Variants in FGD4 observed in about 807,000 individuals in gnomAD.
FGD4 encodes FYVE, RhoGEF and PH domain-containing protein 4.
FGD4 carries 42 observed loss-of-function variants against 102.0 expected under a neutral mutation model. The ratio of observed to expected loss-of-function variants is 0.41; its 90% CI spans 0.32 to 0.53. The LOEUF (loss-of-function observed/expected upper bound fraction) is 0.53. FGD4 is among the 20% of genes least tolerant of loss of function. FGD4 has a pLI of 0.21. For synonymous variants in FGD4, 380 were observed against 375.7 expected, an observed-to-expected ratio of 1.01 and a Z score of -0.13; for missense variants, 902 against 1,078.2, an observed-to-expected ratio of 0.84 and a Z score of 2.29.
chr12:32,480,768 G>A (rs1943734878), intron 1 of FGD4, among the ~76,000 whole-genome samples: 1 of 149,188 alleles, frequency 6.7e-6, no homozygotes, highest in Non-Finnish European at 1.5e-5. Flanking sequence ...CAAAGTGCTG[G>A]GATTACAGGC....
Position 32,624,403 on chromosome 12 carries a change from T to C in FGD4, c.1923-19T>C. ...TCATTAATATTATTTACATTCACTT[T>C]AATTTTGTTTTATTTTAGTTCTGCG... is the stretch of plus-strand genomic sequence containing the variant. On this transcript the variant is annotated intron_variant, in intron 11 of 16. Coordinates refer to ENST00000534526, the MANE Select transcript of FGD4 (RefSeq NM_001370298.3). 6.4e-7 allele frequency: 1 copy of C among 1,564,654 alleles called. No individual in the cohort carries two copies. The highest frequency in any genetic ancestry group is 8.8e-7 in the Non-Finnish European group (1 of 1,137,396).
chr12:32,576,198 A>G lies in FGD4; in HGVS notation c.320-68A>G, dbSNP rs568828193. On this transcript the variant is annotated intron_variant, in intron 2 of 16. Transcript: ENST00000534526. ...AATGCTGAATATTTTTGCACCCAGGACACCAGAATTTTTATTGTTATTGAA... is the reference window on the plus strand; with the variant it reads ...AATGCTGAATATTTTTGCACCCAGGGCACCAGAATTTTTATTGTTATTGAA... 56 of 1,488,292 alleles carry G rather than the reference A, an allele frequency of 3.8e-5. No individual in the cohort carries two copies. The East Asian group carries it at 1.4e-3, about 36-fold the overall frequency. The allele number at this position is 1,488,292 out of a possible 1,614,324, so 92.2% of individuals were successfully genotyped here. A position where few individuals can be genotyped will look rare whatever the true frequency, so the allele number is the denominator to read the frequency against.
intron 1 of FGD4, among the ~76,000 whole-genome samples, chr12:32,545,020 G>A (rs1943124503): frequency 6.6e-6 from 1 of 152,298 alleles, no homozygotes; most frequent in African/African-American, 2.4e-5. Flanking sequence ...AGTTCCACAG[G>A]TGATTCTAAT....
chr12:32,615,389 T>C (rs1949386223), intron 10 of FGD4, among the ~76,000 whole-genome samples: 1 of 152,204 alleles, frequency 6.6e-6, no homozygotes, highest in Non-Finnish European at 1.5e-5. Context: ...TTGCACAATT[T>C]ACAACTATCC....
chr12:32,424,833 T>G (rs1941775551), intron 1 of FGD4, among the ~76,000 whole-genome samples: 1 of 152,198 alleles, frequency 6.6e-6, no homozygotes, highest in Admixed American at 6.5e-5. Flanking sequence ...GATGATGAGC[T>G]TTTTTTCATA....
intron 1 of FGD4, among the ~76,000 whole-genome samples, chr12:32,465,622 C>G (rs904530783): frequency 2.0e-5 from 3 of 151,794 alleles, no homozygotes; most frequent in African/African-American, 7.3e-5. Flanking sequence ...GAGCTGAGAT[C>G]GCGCCACTGC....
chr12:32,637,504 G>A (rs1009439284), intron 15 of FGD4: 3 of 152,066 alleles, frequency 2.0e-5, no homozygotes, highest in African/African-American at 7.3e-5. Flanking sequence ...GCTGAGGCAG[G>A]AGAATGGTGA....
intron 1 of FGD4, among the ~76,000 whole-genome samples, chr12:32,469,128 T>G (rs1943347314): frequency 6.6e-6 from 1 of 152,026 alleles, no homozygotes; most frequent in African/African-American, 2.4e-5. Flanking sequence ...GCCCGGCCTA[T>G]TCTGGTGGTT....
At chr12:32,492,755 GTTGGTTATATTT>G (rs1433469137) in intron 1 of FGD4, among the ~76,000 whole-genome samples, 1 of 152,140 alleles carries the variant, frequency 6.6e-6, no homozygotes, top group Non-Finnish European at 1.5e-5. Context: ...AATAAGCTAC[GTTGGTTATATTT>G]TTGGTTATTT....
At chr12:32,624,910 T>G (rs1375449758) in intron 12 of FGD4, 66 bp from the exon 13 acceptor site, 20 of 1,321,278 alleles carry the variant, frequency 1.5e-5, no homozygotes, top group Admixed American at 1.7e-5. Context: ...ATTTGTTTGA[T>G]AAAGTATATT....
chr12:32,495,766 A>C (rs1367083856), intron 1 of FGD4, among the ~76,000 whole-genome samples: 1 of 150,968 alleles, frequency 6.6e-6, no homozygotes, highest in Non-Finnish European at 1.5e-5. Flanking sequence ...CTGCACACAC[A>C]CATTGATCTC....
chr12:32,521,115 G>A (rs57318963), intron 1 of FGD4, among the ~76,000 whole-genome samples: 2,407 of 152,080 alleles, frequency 0.016, 68 homozygotes, highest in African/African-American at 0.054. Context: ...CAGGCTGGGC[G>A]CGGTGGTTCA....
In FGD4 at chr12:32,640,864, T is replaced by C; in HGVS notation, c.*331T>C. Reference sequence around the variant, plus strand: ...CACTTCCATTTAAGAAATCCTTTCATGTCTTCTTCTCTTTCACATGTAGGA... The same window carrying C: ...CACTTCCATTTAAGAAATCCTTTCACGTCTTCTTCTCTTTCACATGTAGGA... On this transcript the variant is annotated 3_prime_UTR_variant, in exon 17 of 17. Transcript: ENST00000534526. 1.8e-6 allele frequency: 1 copy of C among 548,210 alleles called. No individual in the cohort carries two copies. Among genetic ancestry groups the C allele is most frequent in the Non-Finnish European group, 3.2e-6 (1 of 308,284 alleles). The allele number at this position is 548,210 out of a possible 1,614,324, so 34.0% of individuals were successfully genotyped here.
Position 32,582,074 on chromosome 12 carries a change from G to T in FGD4, c.618G>T (p.Gln206His). Residue 206 changes from glutamine to histidine, a missense_variant, in exon 4 of 17, where the codon CAG becomes CAT. Around this residue, in one of 2 missense-constraint regions of FGD4, gnomAD observed 443 missense variants for 459.2 expected, o/e 0.96. Transcript: ENST00000534526. ...CACCTCAACAAAAACTCCTCTCCCA[G>T]CACTTGCCACAGAGGCAGGGAAATG... is the stretch of plus-strand genomic sequence containing the variant. ...TTTPQQKLLS[Q>H]HLPQRQGNDT... 3.7e-6 allele frequency: 6 copies of T among 1,614,174 alleles called. No homozygotes were observed. Among genetic ancestry groups the T allele is most frequent in the Non-Finnish European group, 5.1e-6 (6 of 1,180,038 alleles).
chr12:32,545,284 G>C (rs1054711677), intron 1 of FGD4, among the ~76,000 whole-genome samples: 3 of 152,184 alleles, frequency 2.0e-5, no homozygotes, highest in African/African-American at 7.2e-5. Context: ...AGATGTGCTA[G>C]ATCAACTGTG....
chr12:32,401,451 G>A (rs1452628152), intron 1 of FGD4, among the ~76,000 whole-genome samples: 1 of 151,960 alleles, frequency 6.6e-6, no homozygotes, highest in African/African-American at 2.4e-5. Context: ...GTAGATACGG[G>A]GGTTTCACCA....
At chr12:32,553,087 C>T (rs991444958) in intron 1 of FGD4, among the ~76,000 whole-genome samples, 5 of 151,994 alleles carry the variant, frequency 3.3e-5, no homozygotes, top group Non-Finnish European at 7.4e-5. Context: ...AGCCACTGCA[C>T]CTGGCCGGAG....
At chr12:32,424,767 C>T (rs1565732494) in intron 1 of FGD4, among the ~76,000 whole-genome samples, 1 of 152,208 alleles carries the variant, frequency 6.6e-6, no homozygotes, top group Admixed American at 6.5e-5. Context: ...GCTATTCTAA[C>T]TGGTGTGAGA....
At chr12:32,403,883 T>C (rs2455004) in intron 1 of FGD4, among the ~76,000 whole-genome samples, 82,418 of 151,724 alleles carry the variant, frequency 0.54, 23,383 homozygotes, top group African/African-American at 0.71. Context: ...GTGTGAGCCA[T>C]CGTGCCCGGC....
Sources: gnomAD v4.1 joint callset for allele counts (sites outside exome capture counted in the v4.1 genomes callset) on GRCh38, gnomAD v4.1.1 for gene constraint, gnomAD v4.1.1 regional missense constraint, MANE v1.5 for transcripts, NCBI Gene and HGNC (gene_info 2026-07-23, HGNC 2026-07-21) for gene names.